TMEM132D: variants seen among roughly 807,000 people sequenced by gnomAD.
The protein encoded by TMEM132D is transmembrane protein 132D.
TMEM132D carries 21 observed loss-of-function variants against 62.3 expected under a neutral mutation model. The observed-to-expected ratio is 0.34, with a 90% confidence interval of 0.24 to 0.49. The LOEUF is 0.49. TMEM132D is among the 20% of genes least tolerant of loss of function. The pLI, the probability that TMEM132D is intolerant of heterozygous loss-of-function variation, is 0.99. For synonymous variants in TMEM132D, 621 were observed against 575.6 expected (o/e 1.08, Z -1.13); for missense variants, 1,346 against 1,402.8 (o/e 0.96, Z 0.65).
intron 5 of TMEM132D, among the ~76,000 whole-genome samples, chr12:129,134,684 A>G (rs1199113923): frequency 6.6e-6 from 1 of 152,194 alleles, no homozygotes; most frequent in Non-Finnish European, 1.5e-5. Context: ...AAAGTAATTG[A>G]TGGAGTCCAG....
At chr12:129,482,216 T>C (rs1006976370) in intron 3 of TMEM132D, among the ~76,000 whole-genome samples, 1 of 152,080 alleles carries the variant, frequency 6.6e-6, no homozygotes, top group Admixed American at 6.5e-5. Flanking sequence ...GCTTATGCGT[T>C]TATTGCATCA....
intron 6 of TMEM132D, among the ~76,000 whole-genome samples, chr12:129,083,166 C>T (rs1282147279): frequency 1.3e-5 from 2 of 152,226 alleles, no homozygotes; most frequent in Admixed American, 1.3e-4. Flanking sequence ...TAACCCAGCA[C>T]ACAAAGCAGG....
chr12:129,725,409 T>C (rs890914833), intron 1 of TMEM132D, among the ~76,000 whole-genome samples: 2 of 152,246 alleles, frequency 1.3e-5, no homozygotes, highest in African/African-American at 2.4e-5. Context: ...ATAAATACCA[T>C]CACTGTGACT....
At chr12:129,114,492 T>G (rs537935196) in intron 5 of TMEM132D, among the ~76,000 whole-genome samples, 2 of 152,052 alleles carry the variant, frequency 1.3e-5, no homozygotes, top group African/African-American at 4.8e-5. Flanking sequence ...CTCCTTTTAT[T>G]ACTGTAAAAA....
At position 129,700,650 on chromosome 12, in the gene TMEM132D, A is replaced by G. The variant is rs1335883007; in HGVS notation, c.128T>C (p.Leu43Pro). The G allele has an allele frequency of 1.2e-6, 2 of 1,613,748 alleles. No homozygotes were observed. Among genetic ancestry groups the G allele is most frequent in the Non-Finnish European group, 1.7e-6 (2 of 1,179,976 alleles). ...GTAGGTCACGGGGAGGTAGGTGGGC[A>G]GCAAGGAAAACCTCTGGATGCTCTC... ...ILESIQRFSL[L>P]PTYLPVTYHI... The change falls in exon 2 of 9, where the codon CTG (leucine) becomes CCG (proline). Residue 43 changes from leucine to proline, a missense_variant. Physicochemically the swap from Leu to Pro is moderately conservative, Grantham distance 98. Coordinates refer to ENST00000422113, the MANE Select transcript of TMEM132D (RefSeq NM_133448.3).
intron 1 of TMEM132D, among the ~76,000 whole-genome samples, chr12:129,820,181 CAGG>C (rs1021916136): frequency 3.5e-4 from 54 of 152,318 alleles, no homozygotes; most frequent in African/African-American, 1.2e-3. Flanking sequence ...GAATCCTTTT[CAGG>C]AGTTCTTTTG....
chr12:129,710,516 C>T (rs946552265), intron 1 of TMEM132D, among the ~76,000 whole-genome samples: 1 of 152,100 alleles, frequency 6.6e-6, no homozygotes, highest in Non-Finnish European at 1.5e-5. Flanking sequence ...AGGCTGGTCT[C>T]GAACTCCCGA....
chr12:129,560,972 C>A (rs185705893), intron 2 of TMEM132D, among the ~76,000 whole-genome samples: 1 of 152,188 alleles, frequency 6.6e-6, no homozygotes, highest in Admixed American at 6.5e-5. Context: ...TACTTCTCTG[C>A]CCAGTAGATA....
At chr12:129,422,867 C>T (rs1281755083) in intron 3 of TMEM132D, among the ~76,000 whole-genome samples, 4 of 131,674 alleles carry the variant, frequency 3.0e-5, no homozygotes, top group Non-Finnish European at 6.9e-5. Flanking sequence ...TCTATACATA[C>T]ATATATGTGT....
intron 3 of TMEM132D, among the ~76,000 whole-genome samples, chr12:129,340,033 G>A (rs1869418181): frequency 6.6e-6 from 1 of 152,034 alleles, no homozygotes; most frequent in Admixed American, 6.6e-5. Context: ...TGTTTTATCA[G>A]GAAAACCTTA....
At chr12:129,184,475 T>G (rs1157970814) in intron 5 of TMEM132D, among the ~76,000 whole-genome samples, 2 of 152,170 alleles carry the variant, frequency 1.3e-5, no homozygotes, top group African/African-American at 4.8e-5. Context: ...GTCTGGCTGA[T>G]CTCAGCACCC....
chr12:129,185,845 GT>G (rs1264455225), intron 5 of TMEM132D, among the ~76,000 whole-genome samples: 2 of 150,736 alleles, frequency 1.3e-5, no homozygotes, highest in Non-Finnish European at 3.0e-5. Flanking sequence ...TACTAGTGAG[GT>G]TAAGCCACTT....
chr12:129,739,139 T>TGGG lies in TMEM132D; in HGVS notation c.80-38442_80-38441insCCC, dbSNP rs141703101. 6.8e-4 allele frequency among the ~76,000 whole-genome samples: 103 copies of TGGG among 152,264 alleles called. 1 individual carries two copies. The East Asian group carries it at 0.019, about 28-fold the overall frequency. ...CCTCTGCCCTAGCCCAGCTCACTCT[T>TGGG]AGGCGGTATAGTGAGGAGGTGGGTG... On this transcript the variant is annotated intron_variant, in intron 1 of 8. Coordinates refer to ENST00000422113, the MANE Select transcript of TMEM132D (RefSeq NM_133448.3).
intron 3 of TMEM132D, among the ~76,000 whole-genome samples, chr12:129,357,351 C>T (rs114195892): frequency 1.6e-5 from 2 of 126,944 alleles, no homozygotes; most frequent in Admixed American, 8.3e-5. Flanking sequence ...AGAAAGAAAG[C>T]GAGCAAGCAA....
At chr12:129,608,530 G>A (rs773273113) in intron 2 of TMEM132D, among the ~76,000 whole-genome samples, 2 of 152,270 alleles carry the variant, frequency 1.3e-5, no homozygotes, top group Non-Finnish European at 2.9e-5. Context: ...TGGCTTGCTC[G>A]CTGGATGGAA....
intron 3 of TMEM132D, among the ~76,000 whole-genome samples, chr12:129,514,573 C>T (rs977546646): frequency 6.6e-6 from 1 of 152,182 alleles, no homozygotes; most frequent in Non-Finnish European, 1.5e-5. Flanking sequence ...AATGATTTAT[C>T]TGTGCATGTG....
chr12:129,349,978 A>G (rs909926821), intron 3 of TMEM132D, among the ~76,000 whole-genome samples: 2 of 152,188 alleles, frequency 1.3e-5, no homozygotes, highest in Admixed American at 1.3e-4. Context: ...GAGCTAATCA[A>G]ACTCTAAAAA....
intron 3 of TMEM132D, among the ~76,000 whole-genome samples, chr12:129,360,504 G>T (rs369869204): frequency 6.6e-6 from 1 of 152,194 alleles, no homozygotes; most frequent in African/African-American, 2.4e-5. Flanking sequence ...TAAAAGAGAC[G>T]AGGGGAGCAG....
chr12:129,753,994 C>A (rs879582962), intron 1 of TMEM132D, among the ~76,000 whole-genome samples: 3 of 152,258 alleles, frequency 2.0e-5, no homozygotes, highest in South Asian at 2.1e-4. Context: ...GAAGAATAAA[C>A]AGCAACTTTG....
Sources: allele counts gnomAD v4.1 joint callset (sites outside exome capture counted in the v4.1 genomes callset), GRCh38; gene constraint gnomAD v4.1.1; transcripts MANE v1.5; gene names NCBI Gene and HGNC (gene_info 2026-07-23, HGNC 2026-07-21).